ADGRV1: variants seen among roughly 807,000 people sequenced by gnomAD.
ADGRV1 encodes the protein adhesion G protein-coupled receptor V1, also known as G-protein coupled receptor 98.
ADGRV1 carries 359 observed loss-of-function variants against 596.2 expected under a neutral mutation model. That is an observed-to-expected ratio of 0.60 (90% CI 0.55 to 0.66). ADGRV1 has a LOEUF of 0.66. ADGRV1 is among the 30% of genes least tolerant of loss of function. The probability of loss-of-function intolerance (pLI) is 0.00; values close to 1 mark genes in which losing one functional copy is unlikely to be tolerated. For missense variants in ADGRV1, 7,274 were observed against 7,575.6 expected (o/e 0.96, Z 1.48); for synonymous variants, 2,681 against 2,679.2 (o/e 1.00, Z -0.02).
chr5:90,641,977 G>C (rs536898071), intron 11 of ADGRV1, among the ~76,000 whole-genome samples: 1 of 152,220 alleles, frequency 6.6e-6, no homozygotes, highest in South Asian at 2.1e-4. Flanking sequence ...ATGCATCTCA[G>C]ATCTATTCTA....
intron 87 of ADGRV1, among the ~76,000 whole-genome samples, chr5:91,126,539 A>G (rs552614277): frequency 6.6e-6 from 1 of 152,350 alleles, no homozygotes; most frequent in Non-Finnish European, 1.5e-5. Context: ...TCAGCCCCCC[A>G]GAGCAGTCTG....
intron 28 of ADGRV1, 25 bp from the exon 29 acceptor site, chr5:90,685,755 T>C (rs371634317): frequency 3.9e-5 from 61 of 1,566,898 alleles, no homozygotes; most frequent in Non-Finnish European, 5.0e-5. Flanking sequence ...CTTTCTGTGT[T>C]CTGTGTGGAT....
intron 85 of ADGRV1, chr5:91,030,964 G>C: frequency 8.2e-7 from 1 of 1,221,644 alleles, no homozygotes; most frequent in Non-Finnish European, 1.1e-6. Context: ...TGTAATCAAA[G>C]GAAAAAACGT....
intron 85 of ADGRV1, among the ~76,000 whole-genome samples, chr5:91,035,858 ATAT>A (rs1295814792): frequency 1.3e-4 from 9 of 70,776 alleles, no homozygotes; most frequent in Non-Finnish European, 2.6e-4. Flanking sequence ...ATATATATAT[ATAT>A]TATATATATA....
intron 86 of ADGRV1, among the ~76,000 whole-genome samples, chr5:91,100,559 A>ATTCATT (rs1212969704): frequency 6.6e-6 from 1 of 152,188 alleles, no homozygotes; most frequent in African/African-American, 2.4e-5. Context: ...ATAATATGCT[A>ATTCATT]AATAAGCAGG....
rs763547604 is a variant in ADGRV1, at chr5:90,672,731, T to C, written c.4929+9T>C. 1.3e-6 allele frequency: 2 copies of C among 1,578,566 alleles called. No homozygotes were observed. Among genetic ancestry groups the C allele is most frequent in the South Asian group, 1.2e-5 (1 of 84,454 alleles). Reference sequence around the variant, plus strand: ...CTTGGCAGAGATCAGAGGTAAACCCTACCTTTTTTGTTCCTTTGAAAGCCT... The same window carrying C: ...CTTGGCAGAGATCAGAGGTAAACCCCACCTTTTTTGTTCCTTTGAAAGCCT... On this transcript the variant is annotated intron_variant, in intron 22 of 89. Coordinates refer to ENST00000405460, the MANE Select transcript of ADGRV1 (RefSeq NM_032119.4).
intron 57 of ADGRV1, 123 bp from the exon 58 acceptor site, chr5:90,759,286 T>C (rs1756186511): frequency 2.9e-6 from 2 of 690,470 alleles, no homozygotes; most frequent in Non-Finnish European, 4.7e-6. Flanking sequence ...AGATTTTTGG[T>C]TTCAACTAAA....
Position 90,781,414 on chromosome 5 carries a change from T to G in ADGRV1, c.13083-16T>G. 1 of 1,568,878 alleles carries G rather than the reference T, an allele frequency of 6.4e-7. No homozygotes were observed. The highest frequency in any genetic ancestry group is 8.7e-7 in the Non-Finnish European group (1 of 1,146,708). ...TGTTGTATTTTATTTTATTTTGATT[T>G]GTATGACTTTGGAAGAGGGTATGAT... is the stretch of plus-strand genomic sequence containing the variant. On this transcript the variant is annotated splice_polypyrimidine_tract_variant and intron_variant, in intron 64 of 89. Transcript: ENST00000405460.
In ADGRV1 at chr5:90,653,199, C is replaced by A. The variant is rs755425522; in HGVS notation, c.3635-10C>A. On this transcript the variant is annotated splice_polypyrimidine_tract_variant and intron_variant, in intron 19 of 89. Transcript: ENST00000405460. Reference sequence around the variant, plus strand: ...TTCTAGTTTCTCACTCATAAATTTTCTTGTTACAGGTGGATCCCCAGGTCC... The same window carrying A: ...TTCTAGTTTCTCACTCATAAATTTTATTGTTACAGGTGGATCCCCAGGTCC... The A allele has an allele frequency of 4.4e-6, 7 of 1,577,792 alleles. No individual in the cohort carries two copies. Among genetic ancestry groups the A allele is most frequent in the Non-Finnish European group, 6.0e-6 (7 of 1,162,052 alleles).
At chr5:90,609,632 T>C (rs937107685) in intron 1 of ADGRV1, among the ~76,000 whole-genome samples, 1 of 152,024 alleles carries the variant, frequency 6.6e-6, no homozygotes, top group Non-Finnish European at 1.5e-5. Context: ...GGAGTAATTC[T>C]ATAGTTTTAG....
At chr5:91,056,563 C>G (rs549425891) in intron 85 of ADGRV1, among the ~76,000 whole-genome samples, 3 of 152,156 alleles carry the variant, frequency 2.0e-5, no homozygotes, top group East Asian at 3.9e-4. Context: ...ACTTATCCAG[C>G]TTTTTCACCT....
chr5:90,683,767 T>C lies in ADGRV1; in HGVS notation c.5846T>C (p.Val1949Ala), dbSNP rs1745248558. 1 of 1,613,798 alleles carries C rather than the reference T, an allele frequency of 6.2e-7. No individual in the cohort carries two copies. The highest frequency in any genetic ancestry group is 1.7e-5 in the Admixed American group (1 of 59,984). Residue 1949 changes from valine to alanine, a missense_variant, in exon 28 of 90, where the codon GTG becomes GCG. Physicochemically the swap from Val to Ala is moderately conservative, Grantham distance 64. This residue lies in a region of ADGRV1 where 3,643 missense variants were observed against 3,809.2 expected (regional missense o/e 0.96). Transcript: ENST00000405460. ...CCAGAACTGGATAAGGCATTCTCTG[T>C]GTCAGTCCTCAGTGTTTCCAGTGGT... ...EDPELDKAFS[V>A]SVLSVSSGSL...
chr5:90,815,268 T>C (rs1762787325), intron 74 of ADGRV1, among the ~76,000 whole-genome samples: 1 of 152,204 alleles, frequency 6.6e-6, no homozygotes. Flanking sequence ...GATGCTCTAG[T>C]AGGGCTTACA....
At chr5:90,949,050 TA>T (rs373576862) in intron 83 of ADGRV1, among the ~76,000 whole-genome samples, 331 of 151,984 alleles carry the variant, frequency 2.2e-3, no homozygotes, top group African/African-American at 7.1e-3. Context: ...TATACGACAA[TA>T]AAAAAAGTGA....
intron 87 of ADGRV1, among the ~76,000 whole-genome samples, chr5:91,109,813 A>G (rs1437470060): frequency 6.6e-6 from 1 of 152,208 alleles, no homozygotes; most frequent in Admixed American, 6.5e-5. Flanking sequence ...AAAAAACCAC[A>G]TGGAGTGGAA....
Position 90,811,189 on chromosome 5 carries a change from G to T in ADGRV1, c.15929G>T (p.Arg5310Leu). 6 of 1,613,518 alleles carry T rather than the reference G, an allele frequency of 3.7e-6. No individual in the cohort carries two copies. The highest frequency in any genetic ancestry group is 5.1e-6 in the Non-Finnish European group (6 of 1,179,634). The change falls in exon 74 of 90, where the codon CGT (arginine) becomes CTT (leucine). Residue 5310 changes from arginine to leucine, a missense_variant. Arg to Leu is a moderately radical substitution (Grantham distance 102, BLOSUM62 -2). Around this residue, in one of 5 missense-constraint regions of ADGRV1, gnomAD observed 1,874 missense variants for 1,970.2 expected, o/e 0.95. Transcript: ENST00000405460. ...TLIFLDGERERKVSVQILDDD... is the reference protein window; with the variant it reads ...TLIFLDGERELKVSVQILDDD... ...ATATTCCTAGATGGAGAAAGAGAAC[G>T]TAAAGTATCAGTTCAAATTTTGGAT... is the stretch of plus-strand genomic sequence containing the variant.
At chr5:91,046,815 A>G (rs1785858578) in intron 85 of ADGRV1, among the ~76,000 whole-genome samples, 1 of 152,174 alleles carries the variant, frequency 6.6e-6, no homozygotes, top group Non-Finnish European at 1.5e-5. Flanking sequence ...CAAACAAATT[A>G]GCAAGAAAAG....
intron 87 of ADGRV1, among the ~76,000 whole-genome samples, chr5:91,104,771 C>A (rs1791697623): frequency 6.6e-6 from 1 of 151,534 alleles, no homozygotes; most frequent in South Asian, 2.1e-4. Flanking sequence ...TGGGTTGATG[C>A]AAAAATAATT....
At position 90,811,236 on chromosome 5, in the gene ADGRV1, G is replaced by A. The variant is rs1318465505; in HGVS notation, c.15976G>A (p.Glu5326Lys). The change falls in exon 74 of 90, where the codon GAA becomes AAA. Residue 5326 changes from glutamate to lysine, a missense_variant. By Grantham distance (56) the Glu-to-Lys change is moderately conservative. This residue lies in a region of ADGRV1 where 1,874 missense variants were observed against 1,970.2 expected (regional missense o/e 0.95). Coordinates refer to ENST00000405460, the MANE Select transcript of ADGRV1 (RefSeq NM_032119.4). Reference sequence around the variant, plus strand: ...GGATGATGATGAGCCTGAGGGGCAGGAATTCTTCTACGTGTTTCTCACAAA... The same window carrying A: ...GGATGATGATGAGCCTGAGGGGCAGAAATTCTTCTACGTGTTTCTCACAAA... ...ILDDDEPEGQ[E>K]FFYVFLTNPQ... The A allele has an allele frequency of 6.2e-7, 1 of 1,612,614 alleles. No individual in the cohort carries two copies. Among genetic ancestry groups the A allele is most frequent in the Non-Finnish European group, 8.5e-7 (1 of 1,179,250 alleles).
Sources: gnomAD v4.1 joint callset for allele counts (sites outside exome capture counted in the v4.1 genomes callset) on GRCh38, gnomAD v4.1.1 for gene constraint, gnomAD v4.1.1 regional missense constraint, MANE v1.5 for transcripts, NCBI Gene and HGNC (gene_info 2026-07-23, HGNC 2026-07-21) for gene names.